Variants in OR52N1 observed in about 807,000 individuals in gnomAD.
OR52N1 encodes the protein olfactory receptor 52N1.
A neutral mutation model predicts 13.9 loss-of-function variants in OR52N1; 11 were observed. The observed-to-expected ratio is 0.79, with a 90% CI of 0.50 to 1.31. The LOEUF is 1.31. Among genes scored for constraint, OR52N1 ranks in the 40% most tolerant of loss-of-function variants. OR52N1 has a pLI of 0.00. For synonymous variants in OR52N1, 142 were observed against 143.7 expected, an observed-to-expected ratio of 0.99 and a Z score of 0.08; for missense variants, 414 against 397.7, an observed-to-expected ratio of 1.04 and a Z score of -0.35.
rs1854607793 is a variant in OR52N1, at chr11:5,787,737, G to A, written c.*117C>T. ...ATGGTACCCTTTCCAAAGATGTAGAGTAATCCGAGTATCATAAAAATATTC... is the reference window on the plus strand; with the variant it reads ...ATGGTACCCTTTCCAAAGATGTAGAATAATCCGAGTATCATAAAAATATTC... On this transcript the variant is annotated 3_prime_UTR_variant, in exon 2 of 2. Transcript: ENST00000641645. 3.4e-6 allele frequency: 3 copies of A among 887,030 alleles called. 1 individual carries two copies. Among genetic ancestry groups the A allele is most frequent in the Non-Finnish European group, 5.1e-6 (3 of 592,490 alleles). The allele number at this position is 887,030 out of a possible 1,614,324, so 54.9% of individuals were successfully genotyped here. A position where few individuals can be genotyped will look rare whatever the true frequency, so the allele number is the denominator to read the frequency against.
chr11:5,788,871 G>C lies in OR52N1; in HGVS notation c.-44-11C>G. The C allele has an allele frequency of 7.3e-7, 1 of 1,371,476 alleles. No individual in the cohort carries two copies. Among genetic ancestry groups the C allele is most frequent in the Non-Finnish European group, 9.4e-7 (1 of 1,067,070 alleles). 85.0% of individuals were successfully genotyped at this position (1,371,476 alleles called of 1,614,324 possible). On this transcript the variant is annotated splice_polypyrimidine_tract_variant and intron_variant, in intron 1 of 1. Transcript: ENST00000641645. ...GTTATAGCATTGCCTCTGTGAGCAG[G>C]AAATAAAAAAAAGAGTAATTTCAAG...
At position 5,787,957 on chromosome 11, in the gene OR52N1, G is replaced by C; in HGVS notation, c.860C>G (p.Pro287Arg). 1 of 1,404,082 alleles carries C rather than the reference G, an allele frequency of 7.1e-7. No individual in the cohort carries two copies. Among genetic ancestry groups the C allele is most frequent in the Non-Finnish European group, 9.5e-7 (1 of 1,051,054 alleles). The allele number at this position is 1,404,082 out of a possible 1,614,324, so 87.0% of individuals were successfully genotyped here. The change falls in exon 2 of 2, where the codon CCT becomes CGT. Residue 287 changes from proline (P) to arginine (R), a missense_variant. Coordinates refer to ENST00000641645, the MANE Select transcript of OR52N1 (RefSeq NM_001001913.2). Reference protein sequence around the residue: ...IIMANLYLLMPPTMNPIVYGV... With the variant: ...IIMANLYLLMRPTMNPIVYGV... ...ATACACAATAGGGTTCATTGTGGGA[G>C]GCATTAGTAGGTAGAGATTAGCCAT...
intron 1 of OR52N1, among the ~76,000 whole-genome samples, chr11:5,790,659 A>G (rs1487764121): frequency 3.3e-5 from 5 of 152,076 alleles, no homozygotes; most frequent in African/African-American, 7.2e-5. Flanking sequence ...AAGAATAAAG[A>G]AATCTCAGTT....
rs1275403438 is a variant in OR52N1 at position 5,787,617 on chromosome 11, A to C, written c.*237T>G. On this transcript the variant is annotated 3_prime_UTR_variant, in exon 2 of 2. Coordinates refer to ENST00000641645, the MANE Select transcript of OR52N1 (RefSeq NM_001001913.2). ...TTAGGAGAGAAGATGATGTCTGTGA[A>C]GATTAAATGCAGTGAACTTCGAAGT... is the stretch of plus-strand genomic sequence containing the variant. 3.0e-6 allele frequency: 1 copy of C among 336,702 alleles called. No individual in the cohort carries two copies. The highest frequency in any genetic ancestry group is 4.7e-5 in the East Asian group (1 of 21,156). 20.9% of individuals were successfully genotyped at this position (336,702 alleles called of 1,614,324 possible). A position where few individuals can be genotyped will look rare whatever the true frequency, so the allele number is the denominator to read the frequency against.
At chr11:5,790,757 T>C (rs1854649528) in intron 1 of OR52N1, among the ~76,000 whole-genome samples, 1 of 152,138 alleles carries the variant, frequency 6.6e-6, no homozygotes, top group Admixed American at 6.6e-5. Context: ...CTGAGATGTG[T>C]CTGTTCATAT....
chr11:5,789,130 T>A (rs1248308758), intron 1 of OR52N1, among the ~76,000 whole-genome samples: 1 of 152,188 alleles, frequency 6.6e-6, no homozygotes, highest in African/African-American at 2.4e-5. Context: ...GGCCATGAAC[T>A]GAACAACTCT....
Position 5,786,494 on chromosome 11 carries a change from T to C in OR52N1, c.*1360A>G, listed in dbSNP as rs535286930. ...GTGTCCAAGTGTTCTCATTGTTCAA[T>C]TCCCACCTATGAGTGAGAACATGCA... On this transcript the variant is annotated 3_prime_UTR_variant, in exon 2 of 2. Transcript: ENST00000641645. The C allele has an allele frequency of 1.7e-5, 2 of 115,514 alleles. 1 individual carries two copies. The highest frequency in any genetic ancestry group is 6.4e-5 in the African/African-American group (2 of 31,460). The allele number at this position is 115,514 out of a possible 1,614,324, so 7.2% of individuals were successfully genotyped here.
Position 5,787,770 on chromosome 11 carries a change from C to T in OR52N1, c.*84G>A. ...AGTATCATAAAAATATTCCTGTGGC[C>T]AGATTTCTGGTGTCATTTAAAGAGC... is the stretch of plus-strand genomic sequence containing the variant. On this transcript the variant is annotated 3_prime_UTR_variant, in exon 2 of 2. Coordinates refer to ENST00000641645, the MANE Select transcript of OR52N1 (RefSeq NM_001001913.2). 8.7e-7 allele frequency: 1 copy of T among 1,149,162 alleles called. No individual in the cohort carries two copies. The highest frequency in any genetic ancestry group is 1.2e-6 in the Non-Finnish European group (1 of 825,326). 71.2% of individuals were successfully genotyped at this position (1,149,162 alleles called of 1,614,324 possible).
In OR52N1 at chr11:5,787,940, T is replaced by C; in HGVS notation, c.877A>G (p.Ile293Val). 1 of 1,511,554 alleles carries C rather than the reference T, an allele frequency of 6.6e-7. No individual in the cohort carries two copies. Among genetic ancestry groups the C allele is most frequent in the Non-Finnish European group, 9.0e-7 (1 of 1,109,258 alleles). The allele number at this position is 1,511,554 out of a possible 1,614,324, so 93.6% of individuals were successfully genotyped here. Residue 293 changes from isoleucine to valine, a missense_variant, in exon 2 of 2, where the codon ATT becomes GTT. Physicochemically the swap from Ile to Val is conservative, Grantham distance 29 (BLOSUM62 3). Transcript: ENST00000641645. ...TGCCTGGTTTTCACCCCATACACAA[T>C]AGGGTTCATTGTGGGAGGCATTAGT... is the stretch of plus-strand genomic sequence containing the variant. Reference protein sequence around the residue: ...YLLMPPTMNPIVYGVKTRQVR... With the variant: ...YLLMPPTMNPVVYGVKTRQVR...
rs966318409 is a variant in OR52N1 at position 5,791,186 on chromosome 11, C to T, written c.-120G>A. 1.3e-5 allele frequency: 2 copies of T among 151,988 alleles called. No homozygotes were observed. The highest frequency in any genetic ancestry group is 4.8e-5 in the African/African-American group (2 of 41,424). The allele number at this position is 151,988 out of a possible 1,614,324, so 9.4% of individuals were successfully genotyped here. ...AAGTCATATTTATGTCTATATGATCCTCTTGGTCCTGAAGGAGAAATATAA... is the reference window on the plus strand; with the variant it reads ...AAGTCATATTTATGTCTATATGATCTTCTTGGTCCTGAAGGAGAAATATAA... On this transcript the variant is annotated 5_prime_UTR_variant, in exon 1 of 2. Transcript: ENST00000641645.
Position 5,787,566 on chromosome 11 carries a change from T to C in OR52N1, c.*288A>G, listed in dbSNP as rs1854605749. 8.4e-6 allele frequency: 2 copies of C among 237,562 alleles called. No homozygotes were observed. The highest frequency in any genetic ancestry group is 2.4e-5 in the African/African-American group (1 of 41,482). The allele number at this position is 237,562 out of a possible 1,614,324, so 14.7% of individuals were successfully genotyped here. On this transcript the variant is annotated 3_prime_UTR_variant, in exon 2 of 2. Transcript: ENST00000641645. ...TCCAGTGTTAGTGATCCAACCACTG[T>C]GCTGCAAATTTGTGTAGACTGTCAT... is the stretch of plus-strand genomic sequence containing the variant.
In OR52N1 at chr11:5,790,693, T is replaced by A. The variant is rs1393600078; in HGVS notation, c.-45+418A>T. 2.0e-5 allele frequency among the ~76,000 whole-genome samples: 3 copies of A among 152,178 alleles called. No individual in the cohort carries two copies. The East Asian group carries it at 5.8e-4, about 29-fold the overall frequency. Reference sequence around the variant, plus strand: ...TTCAGAAATCTGCTCACCCTAATGATCAGTGATGTTGAGCTTTTTCTCATA... The same window carrying A: ...TTCAGAAATCTGCTCACCCTAATGAACAGTGATGTTGAGCTTTTTCTCATA... On this transcript the variant is annotated intron_variant, in intron 1 of 1. Coordinates refer to ENST00000641645, the MANE Select transcript of OR52N1 (RefSeq NM_001001913.2).
In OR52N1 at chr11:5,788,220, G is replaced by C; in HGVS notation, c.597C>G (p.Ile199Met). The C allele has an allele frequency of 6.2e-7, 1 of 1,614,060 alleles. No homozygotes were observed. Among genetic ancestry groups the C allele is most frequent in the Non-Finnish European group, 8.5e-7 (1 of 1,179,994 alleles). ...TCAGCAGGGCAACTATCAAACCATA[G>C]ATGGCGTTAACCCTGACATTACCAC... ...ISCGNVRVNA[I>M]YGLIVALLIG... The change falls in exon 2 of 2, where the codon ATC becomes ATG. Residue 199 changes from isoleucine to methionine, a missense_variant. Transcript: ENST00000641645.
At chr11:5,790,980 T>C (rs189200262) in intron 1 of OR52N1, 131 bp downstream of exon 1, 240 of 152,198 alleles carry the variant, frequency 1.6e-3, no homozygotes, top group African/African-American at 5.3e-3. Context: ...CTAGGCCTAA[T>C]ACCTGGGTGA....
chr11:5,787,659 G>A lies in OR52N1; in HGVS notation c.*195C>T. ...CTTCGAAGTCCTCTATAGTAAAAAG[G>A]CTTTAAAGAACATGGAATAACATAA... is the stretch of plus-strand genomic sequence containing the variant. On this transcript the variant is annotated 3_prime_UTR_variant, in exon 2 of 2. Coordinates refer to ENST00000641645, the MANE Select transcript of OR52N1 (RefSeq NM_001001913.2). 2.0e-6 allele frequency: 1 copy of A among 497,612 alleles called. No homozygotes were observed. Among genetic ancestry groups the A allele is most frequent in the East Asian group, 3.2e-5 (1 of 30,912 alleles). The allele number at this position is 497,612 out of a possible 1,614,324, so 30.8% of individuals were successfully genotyped here.
Position 5,787,987 on chromosome 11 carries a change from A to G in OR52N1, c.830T>C (p.Ile277Thr). 7.4e-7 allele frequency: 1 copy of G among 1,349,198 alleles called. No homozygotes were observed. Among genetic ancestry groups the G allele is most frequent in the East Asian group, 2.9e-5 (1 of 34,570 alleles). 83.6% of individuals were successfully genotyped at this position (1,349,198 alleles called of 1,614,324 possible). ...GGHTIPLHIH[I>T]IMANLYLLMP... ...TAGTAGGTAGAGATTAGCCATAATA[A>G]TATGTATGTGTAGAGGAATGGTGTG... Residue 277 changes from isoleucine (I) to threonine (T), a missense_variant, in exon 2 of 2, where the codon ATT becomes ACT. Physicochemically the swap from Ile to Thr is moderately conservative, Grantham distance 89. Coordinates refer to ENST00000641645, the MANE Select transcript of OR52N1 (RefSeq NM_001001913.2).
Position 5,787,480 on chromosome 11 carries a change from C to A in OR52N1, c.*374G>T. On this transcript the variant is annotated 3_prime_UTR_variant, in exon 2 of 2. Transcript: ENST00000641645. ...AAATGATGAGCTAAGTAAGTTAGGA[C>A]AGACATAAATGAACACGGCTCATGT... The A allele has an allele frequency of 6.5e-6, 1 of 153,930 alleles. No homozygotes were observed. The highest frequency in any genetic ancestry group is 1.4e-5 in the Non-Finnish European group (1 of 72,334). 9.5% of individuals were successfully genotyped at this position (153,930 alleles called of 1,614,324 possible). A position where few individuals can be genotyped will look rare whatever the true frequency, so the allele number is the denominator to read the frequency against.
intron 1 of OR52N1, among the ~76,000 whole-genome samples, chr11:5,789,983 G>A (rs544564970): frequency 5.3e-5 from 8 of 152,052 alleles, no homozygotes; most frequent in East Asian, 1.9e-4. Context: ...TATATCAGCC[G>A]GAATGTGTTG....
intron 1 of OR52N1, among the ~76,000 whole-genome samples, chr11:5,790,607 C>T (rs1431724441): frequency 6.6e-6 from 1 of 152,030 alleles, no homozygotes; most frequent in Non-Finnish European, 1.5e-5. Flanking sequence ...TCTTACTCAT[C>T]CTCATTTCTC....
Sources: allele counts gnomAD v4.1 joint callset (sites outside exome capture counted in the v4.1 genomes callset), GRCh38; gene constraint gnomAD v4.1.1; transcripts MANE v1.5; gene names NCBI Gene and HGNC (gene_info 2026-07-23, HGNC 2026-07-21).